The following LARGE1 variants were observed in gnomAD, a reference collection of about 807,000 sequenced individuals.
LARGE1 encodes the protein xylosyl- and glucuronyltransferase LARGE1.
Under a neutral mutation model 87.6 loss-of-function variants are expected in LARGE1, and 43 were observed. The ratio of observed to expected loss-of-function variants is 0.49; its 90% CI spans 0.38 to 0.63. The LOEUF (loss-of-function observed/expected upper bound fraction) is 0.63, where lower values mean the gene tolerates loss of function less well. Ranked by LOEUF, LARGE1 falls within the 30% of genes least tolerant of loss-of-function variation. The probability of loss-of-function intolerance (pLI) is 0.00; values close to 1 mark genes in which losing one functional copy is unlikely to be tolerated. For synonymous variants in LARGE1, 434 were observed against 394.6 expected (o/e 1.10, Z -1.18); for missense variants, 802 against 1,000.2 (o/e 0.80, Z 2.67).
intron 5 of LARGE1, among the ~76,000 whole-genome samples, chr22:33,596,221 A>G (rs191428818): frequency 9.2e-5 from 14 of 152,354 alleles, no homozygotes; most frequent in Admixed American, 9.1e-4. Flanking sequence ...AAATGACATA[A>G]AAAGATTATT....
chr22:33,229,946 TA>T (rs1236916733), intron 11 of LARGE1, among the ~76,000 whole-genome samples: 3 of 143,266 alleles, frequency 2.1e-5, no homozygotes, highest in Non-Finnish European at 4.6e-5. Context: ...CAGAGTCTCA[TA>T]AAAAACAATT....
chr22:33,466,648 G>T (rs1449855239), intron 6 of LARGE1, among the ~76,000 whole-genome samples: 1 of 151,450 alleles, frequency 6.6e-6, no homozygotes, highest in East Asian at 1.9e-4. Context: ...TGTAGAAAGG[G>T]CAGCAGATAA....
chr22:33,756,291 C>T (rs995314814), intron 2 of LARGE1, among the ~76,000 whole-genome samples: 3 of 152,162 alleles, frequency 2.0e-5, no homozygotes, highest in Non-Finnish European at 4.4e-5. Context: ...CCCGGCACTA[C>T]AGTAGGTGCT....
chr22:33,626,508 G>A (rs551265022), intron 3 of LARGE1, among the ~76,000 whole-genome samples, 182 bp from the exon 4 acceptor site: 12 of 152,190 alleles, frequency 7.9e-5, no homozygotes, highest in South Asian at 2.1e-4. Flanking sequence ...CTTTTTAATC[G>A]GCTTATGGAG....
intron 12 of LARGE1, among the ~76,000 whole-genome samples, chr22:33,296,884 T>C (rs1933350451): frequency 6.6e-6 from 1 of 152,194 alleles, no homozygotes; most frequent in Non-Finnish European, 1.5e-5. Context: ...GTTATCCTTT[T>C]AGTACTGCTG....
At chr22:33,861,851 CCAGA>C (rs1707111101) in intron 1 of LARGE1, among the ~76,000 whole-genome samples, 1 of 145,766 alleles carries the variant, frequency 6.9e-6, no homozygotes, top group Admixed American at 7.2e-5. Context: ...ATTTTGGGAC[CCAGA>C]CATTCTTTTT....
chr22:33,705,837 T>C (rs1008380535), intron 2 of LARGE1, among the ~76,000 whole-genome samples: 2 of 152,228 alleles, frequency 1.3e-5, no homozygotes, highest in African/African-American at 4.8e-5. Flanking sequence ...ATGATGATAA[T>C]AGCACCTACC....
intron 11 of LARGE1, among the ~76,000 whole-genome samples, chr22:33,193,290 AAG>A (rs1349483172): frequency 1.3e-5 from 2 of 152,210 alleles, no homozygotes; most frequent in Non-Finnish European, 1.5e-5. Context: ...GTGAAAAAGC[AAG>A]AGAGTTTAAG....
intron 1 of LARGE1, among the ~76,000 whole-genome samples, chr22:33,764,818 CTACA>C (rs1172037563): frequency 6.6e-6 from 1 of 152,140 alleles, no homozygotes; most frequent in Non-Finnish European, 1.5e-5. Context: ...AATGTGAATG[CTACA>C]TAAATAGTTA....
the LARGE1 span, among the ~76,000 whole-genome samples, chr22:33,155,687 T>G: frequency 6.6e-6 from 1 of 152,068 alleles, no homozygotes; most frequent in African/African-American, 2.4e-5. Context: ...TGAGGAGAAA[T>G]TCAAGGAGGC....
chr22:33,587,857 T>C (rs908624855), intron 5 of LARGE1, among the ~76,000 whole-genome samples: 1 of 152,194 alleles, frequency 6.6e-6, no homozygotes, highest in South Asian at 2.1e-4. Flanking sequence ...TTTCAATCAA[T>C]ACAAAATTTA....
chr22:33,661,576 G>C (rs1311090294), intron 2 of LARGE1, among the ~76,000 whole-genome samples: 1 of 151,908 alleles, frequency 6.6e-6, no homozygotes, highest in Non-Finnish European at 1.5e-5. Context: ...TTGGGTTACA[G>C]AGGATGAAAG....
chr22:33,254,172 G>A (rs920044233), intron 11 of LARGE1, among the ~76,000 whole-genome samples: 6 of 152,028 alleles, frequency 3.9e-5, no homozygotes, highest in Admixed American at 6.5e-5. Context: ...AGCTTATCAC[G>A]AAAAAAAGAG....
At chr22:33,174,859 C>T (rs118141134) in intron 11 of LARGE1, among the ~76,000 whole-genome samples, 3,708 of 152,058 alleles carry the variant, frequency 0.024, 65 homozygotes, top group Non-Finnish European at 0.035. Flanking sequence ...AATAGCCTAC[C>T]AACCAAAAAA....
chr22:33,115,613 G>C, the LARGE1 span, among the ~76,000 whole-genome samples: 1 of 151,808 alleles, frequency 6.6e-6, no homozygotes, highest in Admixed American at 6.6e-5. Context: ...GTCAGGAGAT[G>C]GAGACCATCC....
At chr22:33,342,024 A>T (rs1939202766) in intron 9 of LARGE1, among the ~76,000 whole-genome samples, 1 of 152,212 alleles carries the variant, frequency 6.6e-6, no homozygotes, top group African/African-American at 2.4e-5. Context: ...CTTACATTTC[A>T]GGGACGTATG....
At chr22:33,121,466 A>G in the LARGE1 span, among the ~76,000 whole-genome samples, 17 of 152,152 alleles carry the variant, frequency 1.1e-4, no homozygotes, top group Admixed American at 9.8e-4. Context: ...AGCTTTATAG[A>G]GTGGTTTTGA....
At chr22:33,895,547 G>A (rs1353933274) in intron 1 of LARGE1, among the ~76,000 whole-genome samples, 1 of 152,184 alleles carries the variant, frequency 6.6e-6, no homozygotes, top group African/African-American at 2.4e-5. Flanking sequence ...CCACCTGCAA[G>A]CTCCCTCCTG....
rs557253610 is a variant in LARGE1 at position 33,741,705 on chromosome 22, C to T, written c.106+19666G>A. Among the ~76,000 whole-genome samples the T allele has an allele frequency of 1.1e-4, 16 of 152,298 alleles. No individual in the cohort carries two copies. The East Asian group carries it at 1.9e-3, about 18-fold the overall frequency. On this transcript the variant is annotated intron_variant, in intron 2 of 14. Coordinates refer to ENST00000397394, the MANE Select transcript of LARGE1 (RefSeq NM_133642.5). ...GGATGAGGTGAGGACCCCGTGAAAG[C>T]GACTGCACAGAAACAGAGACACTGA...
Sources: allele counts gnomAD v4.1 joint callset (sites outside exome capture counted in the v4.1 genomes callset), GRCh38; gene constraint gnomAD v4.1.1; transcripts MANE v1.5; gene names NCBI Gene and HGNC (gene_info 2026-07-23, HGNC 2026-07-21).